PPARGC1B: variants seen among roughly 807,000 people sequenced by gnomAD.
The protein encoded by PPARGC1B is PPARG coactivator 1 beta.
PPARGC1B carries 34 observed loss-of-function variants against 101.6 expected under a neutral mutation model. The ratio of observed to expected loss-of-function variants is 0.33; its 90% CI spans 0.25 to 0.45. The LOEUF (loss-of-function observed/expected upper bound fraction) is 0.45. Among genes scored for constraint, PPARGC1B ranks in the 20% least tolerant of loss-of-function variants. The pLI, the probability that PPARGC1B is intolerant of heterozygous loss-of-function variation, is 1.00. For missense variants in PPARGC1B, 1,234 were observed against 1,317.6 expected (o/e 0.94, Z 0.98); for synonymous variants, 548 against 539.3 (o/e 1.02, Z -0.22).
At position 149,771,699 on chromosome 5, in the gene PPARGC1B, C is replaced by G. The variant is rs76696334; in HGVS notation, c.78+41279C>G. 1.3e-4 allele frequency among the ~76,000 whole-genome samples: 20 copies of G among 152,294 alleles called. 1 individual carries two copies. The South Asian group carries it at 4.2e-3, about 32-fold the overall frequency. On this transcript the variant is annotated intron_variant, in intron 1 of 11. Transcript: ENST00000309241. ...AGTTTTCATGAAAGACAGAGCAAGC[C>G]GTATTCCTTTTTCCTTGTTCTTTCT... is the stretch of plus-strand genomic sequence containing the variant.
At chr5:149,808,492 A>G (rs564156133) in intron 1 of PPARGC1B, among the ~76,000 whole-genome samples, 132 of 152,126 alleles carry the variant, frequency 8.7e-4, no homozygotes, top group Non-Finnish European at 1.2e-3. Flanking sequence ...GTGAGTGTTG[A>G]TGTCAGGTGG....
chr5:149,789,791 T>C (rs1756948580), intron 1 of PPARGC1B, among the ~76,000 whole-genome samples: 1 of 152,218 alleles, frequency 6.6e-6, no homozygotes, highest in Non-Finnish European at 1.5e-5. Flanking sequence ...CTGAAAGGGA[T>C]TCCCTGAAGC....
chr5:149,742,307 A>G (rs1754940540), intron 1 of PPARGC1B, among the ~76,000 whole-genome samples: 1 of 152,152 alleles, frequency 6.6e-6, no homozygotes, highest in South Asian at 2.1e-4. Context: ...CTGCACCTGC[A>G]CACTGCAAGG....
intron 1 of PPARGC1B, among the ~76,000 whole-genome samples, chr5:149,732,096 G>T (rs1476546913): frequency 6.6e-6 from 1 of 152,070 alleles, no homozygotes; most frequent in African/African-American, 2.4e-5. Flanking sequence ...CGCGCGCGCC[G>T]GGCGCGTACC....
chr5:149,804,206 T>A (rs1480453686), intron 1 of PPARGC1B, among the ~76,000 whole-genome samples: 3 of 152,302 alleles, frequency 2.0e-5, no homozygotes, highest in South Asian at 2.1e-4. Context: ...TGGGAAATAG[T>A]GCCTCTGCGC....
At chr5:149,732,080 ACACGCCGCG>A (rs1754512148) in intron 1 of PPARGC1B, among the ~76,000 whole-genome samples, 5 of 149,190 alleles carry the variant, frequency 3.4e-5, no homozygotes, top group Non-Finnish European at 7.4e-5. Flanking sequence ...GTGTGTGTGC[ACACGCCGCG>A]CGCGCCGGGC....
At chr5:149,786,659 G>A (rs1756822419) in intron 1 of PPARGC1B, among the ~76,000 whole-genome samples, 1 of 152,218 alleles carries the variant, frequency 6.6e-6, no homozygotes. Flanking sequence ...AACCCCCACT[G>A]GACATGAGCT....
intron 1 of PPARGC1B, among the ~76,000 whole-genome samples, chr5:149,742,674 A>G (rs1045758337): frequency 6.6e-6 from 1 of 152,204 alleles, no homozygotes; most frequent in Non-Finnish European, 1.5e-5. Context: ...TACCTTGTTT[A>G]ATCAACTACC....
intron 1 of PPARGC1B, among the ~76,000 whole-genome samples, chr5:149,767,203 G>A (rs756705598): frequency 3.3e-5 from 5 of 152,170 alleles, no homozygotes; most frequent in Non-Finnish European, 7.3e-5. Context: ...TGGGGTGTTC[G>A]GTTCACAGTG....
At chr5:149,750,950 A>G (rs988843131) in intron 1 of PPARGC1B, among the ~76,000 whole-genome samples, 1 of 152,238 alleles carries the variant, frequency 6.6e-6, no homozygotes, top group Non-Finnish European at 1.5e-5. Flanking sequence ...TGTAAAAGCA[A>G]TTTTGAAGAG....
At chr5:149,778,438 G>A (rs1029440679) in intron 1 of PPARGC1B, among the ~76,000 whole-genome samples, 1 of 151,926 alleles carries the variant, frequency 6.6e-6, no homozygotes, top group African/African-American at 2.4e-5. Flanking sequence ...GCAGAAGCGG[G>A]GCTCTTGGGC....
intron 6 of PPARGC1B, 147 bp from the exon 7 acceptor site, chr5:149,835,154 C>A: frequency 1.3e-6 from 1 of 754,736 alleles, no homozygotes; most frequent in Non-Finnish European, 2.3e-6. Flanking sequence ...GGGGTTTCCC[C>A]CAGAGCGAAT....
intron 1 of PPARGC1B, among the ~76,000 whole-genome samples, chr5:149,792,604 C>G (rs72830241): frequency 0.057 from 8,639 of 152,254 alleles, 351 homozygotes; most frequent in Middle Eastern, 0.11. Context: ...TCTTTTAAAT[C>G]TTTTTGTGCC....
intron 1 of PPARGC1B, among the ~76,000 whole-genome samples, chr5:149,748,372 G>T (rs1000050389): frequency 1.3e-5 from 2 of 151,908 alleles, no homozygotes; most frequent in African/African-American, 4.8e-5. Flanking sequence ...AGATGAGAAG[G>T]TACAATGTCT....
intron 1 of PPARGC1B, among the ~76,000 whole-genome samples, chr5:149,752,726 G>A (rs1755362294): frequency 6.6e-6 from 1 of 152,158 alleles, no homozygotes. Context: ...CTACTTGGGT[G>A]GCTGAGGCAG....
intron 6 of PPARGC1B, among the ~76,000 whole-genome samples, chr5:149,834,924 C>A (rs1470472143): frequency 1.3e-5 from 2 of 152,216 alleles, no homozygotes; most frequent in Non-Finnish European, 2.9e-5. Flanking sequence ...GGAAAGGCCT[C>A]AGGCCATTTC....
chr5:149,857,473 T>C (rs889678492), downstream of PPARGC1B, among the ~76,000 whole-genome samples: 12 of 152,230 alleles, frequency 7.9e-5, no homozygotes, highest in African/African-American at 2.9e-4. Context: ...GTGACACTTA[T>C]TTCTCCTTGC....
chr5:149,829,384 G>C (rs1283685703), intron 3 of PPARGC1B, among the ~76,000 whole-genome samples: 1 of 152,156 alleles, frequency 6.6e-6, no homozygotes, highest in Non-Finnish European at 1.5e-5. Flanking sequence ...CAAACATGTG[G>C]GTGCTGGTTT....
Position 149,832,957 on chromosome 5 carries a change from A to T in PPARGC1B, c.884A>T (p.His295Leu). The T allele has an allele frequency of 1.2e-6, 2 of 1,613,194 alleles. No homozygotes were observed. The highest frequency in any genetic ancestry group is 1.7e-6 in the Non-Finnish European group (2 of 1,179,996). Residue 295 changes from histidine (H) to leucine (L), a missense_variant, in exon 5 of 12, where the codon CAC becomes CTC. By Grantham distance (99) the His-to-Leu change is moderately conservative. Transcript: ENST00000309241. The surrounding 1 kb of genome is among the most constrained non-coding windows in gnomAD (Gnocchi z 4.9). ...QAMVQLIRYM[H>L]TYCLPQRKLP... ...ATGGTGCAACTCATACGCTACATGC[A>T]CACCTACTGCCTCCCCCAGAGGAAG...
Sources: allele counts gnomAD v4.1 joint callset (sites outside exome capture counted in the v4.1 genomes callset), GRCh38; gene constraint gnomAD v4.1.1; non-coding constraint Gnocchi (gnomAD v3.1); transcripts MANE v1.5; gene names NCBI Gene and HGNC (gene_info 2026-07-23, HGNC 2026-07-21).